Variants in CCDC66 observed in about 807,000 individuals in gnomAD.
CCDC66 encodes the protein coiled-coil domain containing 66, also known as coiled-coil domain-containing protein 66.
Under a neutral mutation model 128.3 loss-of-function variants are expected in CCDC66, and 133 were observed. That is an observed-to-expected ratio of 1.04 (90% CI 0.90 to 1.20). CCDC66 has a LOEUF of 1.20. Among genes scored for constraint, CCDC66 ranks in the 50% most tolerant of loss-of-function variants. CCDC66 has a pLI of 0.00. For synonymous variants in CCDC66, 387 were observed against 357.0 expected (o/e 1.08, Z -0.95); for missense variants, 1,126 against 1,075.5 (o/e 1.05, Z -0.66).
At chr3:56,575,964 A>G (rs1034320285) in intron 7 of CCDC66, among the ~76,000 whole-genome samples, 1 of 151,570 alleles carries the variant, frequency 6.6e-6, no homozygotes, top group Non-Finnish European at 1.5e-5. Flanking sequence ...AGGAACTATG[A>G]CCCTTCCAAC....
intron 10 of CCDC66, among the ~76,000 whole-genome samples, chr3:56,606,656 G>A (rs62256018): frequency 0.049 from 7,491 of 152,078 alleles, 213 homozygotes; most frequent in East Asian, 0.09. Context: ...TACCTAAGTT[G>A]GAAATGCAGA....
chr3:56,618,309 A>G, intron 15 of CCDC66, 97 bp downstream of exon 15: 1 of 1,087,222 alleles, frequency 9.2e-7, no homozygotes, highest in Non-Finnish European at 1.4e-6. Flanking sequence ...TGGTATATGT[A>G]GAGAACAATC....
intron 3 of CCDC66, 181 bp from the exon 4 acceptor site, chr3:56,563,503 A>C: frequency 1.8e-6 from 1 of 556,502 alleles, no homozygotes; most frequent in Non-Finnish European, 3.1e-6. Flanking sequence ...TTCCTGAAGT[A>C]AGATAATTTC....
chr3:56,581,897 A>G (rs2068451885), intron 7 of CCDC66, among the ~76,000 whole-genome samples: 1 of 151,860 alleles, frequency 6.6e-6, no homozygotes. Flanking sequence ...GTCCGTTCTC[A>G]GATCTCAAAC....
Position 56,571,247 on chromosome 3 carries a change from A to T in CCDC66, c.881A>T (p.Lys294Ile), listed in dbSNP as rs1390941826. 1 of 1,548,934 alleles carries T rather than the reference A, an allele frequency of 6.5e-7. No homozygotes were observed. Among genetic ancestry groups the T allele is most frequent in the Non-Finnish European group, 8.8e-7 (1 of 1,133,966 alleles). The change falls in exon 7 of 18, where the codon AAA becomes ATA. Residue 294 changes from lysine (K) to isoleucine (I), a missense_variant. By Grantham distance (102) the Lys-to-Ile change is moderately radical. Coordinates refer to ENST00000394672, the MANE Select transcript of CCDC66 (RefSeq NM_001141947.3). ...VSEKWNDPWK[K>I]SESDKIIWEK... is the part of the protein sequence containing the mutation. ...GAAAAATGGAATGATCCTTGGAAAAAATCTGAAAGTGATAAAATAATATGG... is the reference window on the plus strand; with the variant it reads ...GAAAAATGGAATGATCCTTGGAAAATATCTGAAAGTGATAAAATAATATGG...
At chr3:56,571,146 T>G in intron 6 of CCDC66, 35 bp from the exon 7 acceptor site, 1 of 1,429,690 alleles carries the variant, frequency 7.0e-7, no homozygotes, top group Non-Finnish European at 9.5e-7. Context: ...TTTTACAGTT[T>G]TTGTACATTT....
At chr3:56,611,425 C>A (rs1407138038) in intron 10 of CCDC66, among the ~76,000 whole-genome samples, 3 of 150,438 alleles carry the variant, frequency 2.0e-5, no homozygotes, top group African/African-American at 7.4e-5. Context: ...CCCCCGACCC[C>A]CTCAAACGCC....
intron 7 of CCDC66, among the ~76,000 whole-genome samples, chr3:56,577,110 A>G (rs1376037347): frequency 6.6e-6 from 1 of 151,730 alleles, no homozygotes; most frequent in African/African-American, 2.4e-5. Context: ...AATGATCACT[A>G]TTCTAACTGC....
Position 56,581,046 on chromosome 3 carries a change from C to T in CCDC66, c.936+9744C>T, listed in dbSNP as rs1043714725. ...ATTCTCCCCATCACTTTCAGGTACA[C>T]GAGATGTAGATTTGGTCTTTTCACA... is the stretch of plus-strand genomic sequence containing the variant. On this transcript the variant is annotated intron_variant, in intron 7 of 17. Transcript: ENST00000394672. 2.6e-5 allele frequency among the ~76,000 whole-genome samples: 4 copies of T among 151,540 alleles called. 1 individual carries two copies. Among genetic ancestry groups the T allele is most frequent in the African/African-American group, 9.7e-5 (4 of 41,370 alleles).
Position 56,621,677 on chromosome 3 carries a change from C to T in CCDC66, c.*59C>T. ...TGTCTTCCAAATTATAAAATGTGCT[C>T]ACTGGCTCAACTGTATTTTTCAAAT... On this transcript the variant is annotated 3_prime_UTR_variant, in exon 18 of 18. Coordinates refer to ENST00000394672, the MANE Select transcript of CCDC66 (RefSeq NM_001141947.3). 1 of 1,190,996 alleles carries T rather than the reference C, an allele frequency of 8.4e-7. No individual in the cohort carries two copies. The highest frequency in any genetic ancestry group is 1.2e-6 in the Non-Finnish European group (1 of 825,208). 73.8% of individuals were successfully genotyped at this position (1,190,996 alleles called of 1,614,324 possible).
At chr3:56,566,829 C>T (rs1166037124) in intron 5 of CCDC66, 70 bp downstream of exon 5, 13 of 1,503,794 alleles carry the variant, frequency 8.6e-6, no homozygotes, top group Non-Finnish European at 1.2e-5. Flanking sequence ...CCTTTACTTG[C>T]ATGTGAAATA....
At chr3:56,573,518 C>T (rs368305970) in intron 7 of CCDC66, among the ~76,000 whole-genome samples, 11 of 152,332 alleles carry the variant, frequency 7.2e-5, no homozygotes, top group African/African-American at 2.6e-4. Context: ...AAAGGAGAAA[C>T]ATCCATGCAC....
At position 56,593,095 on chromosome 3, in the gene CCDC66, T is replaced by C; in HGVS notation, c.1062T>C (p.Tyr354=). Residue 354 remains tyrosine, a synonymous_variant, in exon 8 of 18, where the codon TAT becomes TAC. Transcript: ENST00000394672. The stretch of plus-strand genomic sequence containing the variant: ...GAAAAATAGAGGAAAAAATTATATA[T>C]TCAAAGGTAACTTATGAGGTTTTGT... The part of the protein sequence containing the change: ...RQRKIEEKII[Y]SKGEEHDRWA... 6.3e-7 allele frequency: 1 copy of C among 1,587,838 alleles called. No individual in the cohort carries two copies. The highest frequency in any genetic ancestry group is 1.1e-5 in the South Asian group (1 of 87,758).
intron 7 of CCDC66, among the ~76,000 whole-genome samples, chr3:56,583,721 T>C (rs552219471): frequency 1.3e-5 from 2 of 151,968 alleles, no homozygotes; most frequent in African/African-American, 4.8e-5. Context: ...ACAGCAACAA[T>C]CTGATATCTC....
rs771414680 is a variant in CCDC66 at position 56,593,571 on chromosome 3, G to T, written c.1149G>T (p.Gln383His). Reference protein sequence around the residue: ...YPGSQSQLFSQSTHKQPEYFC... With the variant: ...YPGSQSQLFSHSTHKQPEYFC... Reference sequence around the variant, plus strand: ...GTTCTCAATCTCAGCTGTTCTCTCAGTCAACACACAAACAACCTGAGTACT... The same window carrying T: ...GTTCTCAATCTCAGCTGTTCTCTCATTCAACACACAAACAACCTGAGTACT... Residue 383 changes from glutamine to histidine, a missense_variant, in exon 9 of 18, where the codon CAG (glutamine) becomes CAT (histidine). By Grantham distance (24) the Gln-to-His change is conservative. Transcript: ENST00000394672. 7 of 1,614,006 alleles carry T rather than the reference G, an allele frequency of 4.3e-6. No individual in the cohort carries two copies. The highest frequency in any genetic ancestry group is 5.9e-6 in the Non-Finnish European group (7 of 1,180,016).
intron 4 of CCDC66, among the ~76,000 whole-genome samples, chr3:56,565,502 A>G (rs1383984060): frequency 6.7e-6 from 1 of 149,560 alleles, no homozygotes; most frequent in Non-Finnish European, 1.5e-5. Context: ...CGTGTTAGCC[A>G]GGATGATCTC....
In CCDC66 at chr3:56,564,025, T is replaced by C; in HGVS notation, c.444T>C (p.Ser148=). The C allele has an allele frequency of 6.2e-7, 1 of 1,614,004 alleles. No homozygotes were observed. Among genetic ancestry groups the C allele is most frequent in the Non-Finnish European group, 8.5e-7 (1 of 1,179,950 alleles). Residue 148 remains serine (S), a synonymous_variant, in exon 4 of 18, where the codon AGT becomes AGC. Transcript: ENST00000394672. ...TCACAGCTGAAAACATGAAGAGCAG[T>C]TTGGTGTGTCTAACACAAGACCAAC... ...KHITAENMKS[S]LVCLTQDQLQ... is the part of the protein sequence containing the mutation.
In CCDC66 at chr3:56,566,717, A is replaced by T. The variant is rs200541604; in HGVS notation, c.668A>T (p.Glu223Val). Reference protein sequence around the residue: ...VPAENKSVLNEHQETSKQCEQ... With the variant: ...VPAENKSVLNVHQETSKQCEQ... The stretch of plus-strand genomic sequence containing the variant: ...GCTGAAAATAAATCTGTCTTAAATG[A>T]ACATCAGGAGACATCTAAACAGTGT... The change falls in exon 5 of 18, where the codon GAA becomes GTA. Residue 223 changes from glutamate to valine, a missense_variant. Glu to Val is a moderately radical substitution (Grantham distance 121). Transcript: ENST00000394672. 1.9e-6 allele frequency: 3 copies of T among 1,613,884 alleles called. No homozygotes were observed. In the East Asian group the frequency reaches 6.7e-5, roughly 36 times the overall value.
intron 11 of CCDC66, 61 bp from the exon 12 acceptor site, chr3:56,615,062 TGAGAG>T (rs1258371947): frequency 2.5e-5 from 39 of 1,530,720 alleles, no homozygotes; most frequent in Non-Finnish European, 3.1e-5. Flanking sequence ...AAATGTTTAC[TGAGAG>T]GAAATAGTCA....
Sources: gnomAD v4.1 joint callset for allele counts (sites outside exome capture counted in the v4.1 genomes callset) on GRCh38, gnomAD v4.1.1 for gene constraint, MANE v1.5 for transcripts, NCBI Gene and HGNC (gene_info 2026-07-23, HGNC 2026-07-21) for gene names.